Variants in GRM7 observed in about 807,000 individuals in gnomAD.
GRM7 encodes glutamate metabotropic receptor 7.
GRM7 carries 35 observed loss-of-function variants against 84.5 expected under a neutral mutation model. That is an observed-to-expected ratio of 0.41 (90% CI 0.32 to 0.55). GRM7 has a LOEUF of 0.55. Ranked by LOEUF, GRM7 falls within the 20% of genes least tolerant of loss-of-function variation. GRM7 has a pLI of 0.19. For missense variants in GRM7, 1,003 were observed against 1,194.6 expected, an observed-to-expected ratio of 0.84 and a Z score of 2.36; for synonymous variants, 487 against 455.1, an observed-to-expected ratio of 1.07 and a Z score of -0.89.
intron 7 of GRM7, among the ~76,000 whole-genome samples, chr3:7,547,949 A>G (rs1389813100): frequency 6.6e-6 from 1 of 152,206 alleles, no homozygotes; most frequent in African/African-American, 2.4e-5. Flanking sequence ...AGGACTGACT[A>G]TGGATTCTGA....
intron 7 of GRM7, among the ~76,000 whole-genome samples, chr3:7,537,897 A>T (rs1386561130): frequency 6.6e-6 from 1 of 152,232 alleles, no homozygotes; most frequent in African/African-American, 2.4e-5. Flanking sequence ...GTCTGAGTCA[A>T]CATAGCAAAA....
At chr3:7,274,976 G>T (rs571014006) in intron 2 of GRM7, among the ~76,000 whole-genome samples, 1 of 151,722 alleles carries the variant, frequency 6.6e-6, no homozygotes, top group African/African-American at 2.4e-5. Context: ...ATTCTATTTT[G>T]CTCTTCTCAG....
intron 4 of GRM7, among the ~76,000 whole-genome samples, chr3:7,365,308 A>G (rs541079611): frequency 6.6e-5 from 10 of 151,892 alleles, no homozygotes; most frequent in Admixed American, 3.9e-4. Flanking sequence ...AGGCTCAGCT[A>G]TGTTATCTTT....
intron 1 of GRM7, among the ~76,000 whole-genome samples, chr3:7,055,777 T>A (rs1286681270): frequency 6.6e-6 from 1 of 151,946 alleles, no homozygotes; most frequent in Non-Finnish European, 1.5e-5. Flanking sequence ...TGCCTTGTCC[T>A]CCCAAAGTGC....
intron 1 of GRM7, among the ~76,000 whole-genome samples, chr3:7,102,645 C>T (rs964135888): frequency 6.6e-6 from 1 of 151,668 alleles, no homozygotes; most frequent in Non-Finnish European, 1.5e-5. Context: ...TTTTCTACAC[C>T]ATTCTGTTTC....
At chr3:7,152,743 C>G (rs1354411424) in intron 2 of GRM7, among the ~76,000 whole-genome samples, 1 of 152,196 alleles carries the variant, frequency 6.6e-6, no homozygotes, top group Admixed American at 6.5e-5. Flanking sequence ...ATCTTTTTAA[C>G]ATCACAATAT....
intron 1 of GRM7, among the ~76,000 whole-genome samples, chr3:7,054,968 T>C (rs535674807): frequency 6.6e-6 from 1 of 151,950 alleles, no homozygotes; most frequent in South Asian, 2.1e-4. Context: ...ATCTAATTTG[T>C]TTTCCTGGAA....
chr3:6,940,555 C>T (rs1018298789), intron 1 of GRM7, among the ~76,000 whole-genome samples: 1 of 152,050 alleles, frequency 6.6e-6, no homozygotes, highest in African/African-American at 2.4e-5. Context: ...ATCATTTTTA[C>T]AACCATTGAG....
intron 1 of GRM7, among the ~76,000 whole-genome samples, chr3:7,144,615 C>T (rs140239733): frequency 4.6e-5 from 7 of 152,274 alleles, no homozygotes; most frequent in African/African-American, 1.2e-4. Context: ...TTAAGCACTC[C>T]TCTGTTCCAG....
intron 1 of GRM7, among the ~76,000 whole-genome samples, chr3:6,873,392 T>C (rs147002025): frequency 1.3e-5 from 2 of 152,236 alleles, no homozygotes; most frequent in Non-Finnish European, 2.9e-5. Flanking sequence ...TGTATATAAA[T>C]ATATATACAG....
chr3:7,178,343 A>T (rs1363042934), intron 2 of GRM7, among the ~76,000 whole-genome samples: 2 of 150,812 alleles, frequency 1.3e-5, no homozygotes, highest in African/African-American at 4.9e-5. Context: ...CTTATTTTTC[A>T]TTATTTGTTT....
intron 4 of GRM7, among the ~76,000 whole-genome samples, chr3:7,405,012 G>A (rs983257282): frequency 3.9e-5 from 6 of 151,998 alleles, no homozygotes; most frequent in South Asian, 2.1e-4. Flanking sequence ...ATATTGAACC[G>A]GAACTTCTAT....
intron 1 of GRM7, among the ~76,000 whole-genome samples, chr3:7,099,981 C>A (rs1699054452): frequency 6.8e-6 from 1 of 147,228 alleles, no homozygotes; most frequent in Admixed American, 6.9e-5. Context: ...TATATAATTG[C>A]ATATGTACAT....
At chr3:7,219,928 T>C (rs1211026044) in intron 2 of GRM7, among the ~76,000 whole-genome samples, 1 of 152,070 alleles carries the variant, frequency 6.6e-6, no homozygotes, top group African/African-American at 2.4e-5. Context: ...ATGGTAAAAG[T>C]ATGTCAAAGG....
intron 2 of GRM7, among the ~76,000 whole-genome samples, chr3:7,172,440 C>G (rs1250751184): frequency 6.6e-6 from 1 of 152,034 alleles, no homozygotes; most frequent in Admixed American, 6.6e-5. Context: ...TTTTCAAGAG[C>G]TGGACTCATC....
At chr3:6,992,581 A>G (rs1694681448) in intron 1 of GRM7, among the ~76,000 whole-genome samples, 1 of 152,206 alleles carries the variant, frequency 6.6e-6, no homozygotes, top group Non-Finnish European at 1.5e-5. Flanking sequence ...AATGAAGTTG[A>G]TGAGACTAGC....
chr3:7,685,398 G>A (rs1225180510), intron 9 of GRM7, among the ~76,000 whole-genome samples: 2 of 152,054 alleles, frequency 1.3e-5, no homozygotes, highest in Non-Finnish European at 2.9e-5. Flanking sequence ...AATACTTCAA[G>A]GACCTTAGCT....
intron 9 of GRM7, among the ~76,000 whole-genome samples, chr3:7,700,499 G>T (rs915599924): frequency 2.0e-5 from 3 of 152,194 alleles, no homozygotes; most frequent in Non-Finnish European, 4.4e-5. Context: ...CAAACAGCTG[G>T]AGATTTTTTC....
At chr3:7,081,531 A>G (rs1446898422) in intron 1 of GRM7, among the ~76,000 whole-genome samples, 4 of 152,064 alleles carry the variant, frequency 2.6e-5, no homozygotes, top group African/African-American at 9.7e-5. Context: ...AATAATGAAG[A>G]GAGACCAGTT....
Sources: allele counts gnomAD v4.1 joint callset (sites outside exome capture counted in the v4.1 genomes callset), GRCh38; gene constraint gnomAD v4.1.1; transcripts MANE v1.5; gene names NCBI Gene and HGNC (gene_info 2026-07-23, HGNC 2026-07-21).